The following COL11A1 variants were observed in gnomAD, a reference collection of about 807,000 sequenced individuals.
The protein encoded by COL11A1 is collagen alpha-1(XI) chain.
A neutral mutation model predicts 265.2 loss-of-function variants in COL11A1; 74 were observed. That is an observed-to-expected ratio of 0.28 (90% CI 0.23 to 0.34). COL11A1 has a LOEUF of 0.34. Among genes scored for constraint, COL11A1 ranks in the 10% least tolerant of loss-of-function variants. COL11A1 has a pLI of 1.00. For synonymous variants in COL11A1, 816 were observed against 727.6 expected (o/e 1.12, Z -1.96); for missense variants, 2,165 against 2,263.6 (o/e 0.96, Z 0.88).
chr1:103,066,187 T>C (rs746717142), intron 4 of COL11A1, among the ~76,000 whole-genome samples: 2 of 152,022 alleles, frequency 1.3e-5, no homozygotes, highest in Non-Finnish European at 2.9e-5. Flanking sequence ...TAGAAAAATA[T>C]GGAGCTTCAG....
chr1:103,048,953 G>C (rs911328954), intron 4 of COL11A1, among the ~76,000 whole-genome samples: 1 of 152,126 alleles, frequency 6.6e-6, no homozygotes, highest in Non-Finnish European at 1.5e-5. Context: ...ATTGCACTGT[G>C]GTCTGAGAGA....
chr1:103,035,947 A>G (rs1460793510), intron 4 of COL11A1, among the ~76,000 whole-genome samples: 2 of 151,954 alleles, frequency 1.3e-5, no homozygotes, highest in Non-Finnish European at 2.9e-5. Flanking sequence ...TCAAATTCCA[A>G]CTGAACAATT....
chr1:102,961,643 T>G, intron 41 of COL11A1: 1 of 502,964 alleles, frequency 2.0e-6, no homozygotes, highest in Non-Finnish European at 3.6e-6. Flanking sequence ...TATCTCCTTT[T>G]ACCTCCTGAC....
At chr1:102,903,478 A>C (rs1446110523) in intron 54 of COL11A1, among the ~76,000 whole-genome samples, 3 of 152,198 alleles carry the variant, frequency 2.0e-5, no homozygotes, top group Non-Finnish European at 4.4e-5. Flanking sequence ...TTGTTTCCAC[A>C]GTGGGAAAGT....
intron 4 of COL11A1, among the ~76,000 whole-genome samples, chr1:103,055,065 G>A (rs1030505108): frequency 6.6e-6 from 1 of 152,058 alleles, no homozygotes. Context: ...AGGGAGACTG[G>A]ATATCTTGTC....
At position 103,084,889 on chromosome 1, in the gene COL11A1, A is replaced by G. The variant is rs186867477; in HGVS notation, c.107-1917T>C. Among the ~76,000 whole-genome samples, 8 of 152,354 alleles carry G rather than the reference A, an allele frequency of 5.3e-5. No homozygotes were observed. In the East Asian group the frequency reaches 1.4e-3, roughly 26 times the overall value. On this transcript the variant is annotated intron_variant, in intron 1 of 66. Transcript: ENST00000370096. Reference sequence around the variant, plus strand: ...GTTCCTACAGTCTATTTCTGATCACAAATACACCACCAAACTTCTAAATAA... The same window carrying G: ...GTTCCTACAGTCTATTTCTGATCACGAATACACCACCAAACTTCTAAATAA...
intron 64 of COL11A1, among the ~76,000 whole-genome samples, chr1:102,882,115 C>A (rs1448185267): frequency 6.6e-6 from 1 of 152,108 alleles, no homozygotes; most frequent in Non-Finnish European, 1.5e-5. Context: ...TGTCAGTCAG[C>A]TTCATCAAGC....
chr1:103,001,883 A>G, intron 24 of COL11A1, 42 bp downstream of exon 24: 12 of 1,595,256 alleles, frequency 7.5e-6, no homozygotes, highest in Non-Finnish European at 9.5e-6. Flanking sequence ...TGCTAAAACA[A>G]ACATGTTCAC....
At chr1:103,051,341 T>G in intron 4 of COL11A1, among the ~76,000 whole-genome samples, 1 of 152,186 alleles carries the variant, frequency 6.6e-6, no homozygotes. Context: ...CCTTGCAGTT[T>G]GATCTCAGAC....
At chr1:103,038,220 C>T (rs1175645685) in intron 4 of COL11A1, among the ~76,000 whole-genome samples, 1 of 152,012 alleles carries the variant, frequency 6.6e-6, no homozygotes, top group East Asian at 1.9e-4. Flanking sequence ...ACTAGCACTT[C>T]GGGAGGCTGA....
intron 4 of COL11A1, 31 bp from the exon 5 acceptor site, chr1:103,031,275 GAC>G (rs766069701): frequency 8.4e-5 from 133 of 1,591,914 alleles, no homozygotes; most frequent in Non-Finnish European, 1.1e-4. Flanking sequence ...AAAACAAACA[GAC>G]ACAGATTCAG....
chr1:103,086,706 G>T (rs1407629531), intron 1 of COL11A1, among the ~76,000 whole-genome samples: 1 of 151,850 alleles, frequency 6.6e-6, no homozygotes, highest in African/African-American at 2.4e-5. Flanking sequence ...GTGAGCCACC[G>T]CGCCCGGCAA....
chr1:102,879,684 G>A lies in COL11A1; in HGVS notation c.5273C>T (p.Ala1758Val), dbSNP rs202065765. The A allele has an allele frequency of 1.2e-4, 195 of 1,612,162 alleles. No individual in the cohort carries two copies. Among genetic ancestry groups the A allele is most frequent in the Non-Finnish European group, 1.5e-4 (182 of 1,178,804 alleles). Residue 1758 changes from alanine (A) to valine (V), a missense_variant and splice_region_variant, in exon 66 of 67, where the codon GCG (alanine) becomes GTG (valine). By Grantham distance (64) the Ala-to-Val change is moderately conservative (BLOSUM62 0). Coordinates refer to ENST00000370096, the MANE Select transcript of COL11A1 (RefSeq NM_001854.4). The stretch of plus-strand genomic sequence containing the variant: ...GAGACAAGCAGAACTTATACTCACC[G>A]CACAACCATCATACAGTGTTTTGAT... ...PFIKTLYDGCASRKGYEKTVI... is the reference protein window; with the variant it reads ...PFIKTLYDGCVSRKGYEKTVI...
intron 54 of COL11A1, among the ~76,000 whole-genome samples, chr1:102,906,607 A>G (rs1654013759): frequency 6.6e-6 from 1 of 152,122 alleles, no homozygotes; most frequent in East Asian, 1.9e-4. Context: ...TGAGGGTCTC[A>G]CTATGTTGTC....
In COL11A1 at chr1:102,883,276, C is replaced by T. The variant is rs1650488322; in HGVS notation, c.4894G>A (p.Gly1632Arg). The change falls in exon 64 of 67, where the codon GGA becomes AGA. Residue 1632 changes from glycine (G) to arginine (R), a missense_variant. Physicochemically the swap from Gly to Arg is moderately radical, Grantham distance 125. Coordinates refer to ENST00000370096, the MANE Select transcript of COL11A1 (RefSeq NM_001854.4). ...YWIDPNQGCSGDSFKVYCNFT... is the reference protein window; with the variant it reads ...YWIDPNQGCSRDSFKVYCNFT... Reference sequence around the variant, plus strand: ...TTACAGTAAACTTTGAAGGAATCTCCTGAGCAACCTTGGTTAGGATCAATC... The same window carrying T: ...TTACAGTAAACTTTGAAGGAATCTCTTGAGCAACCTTGGTTAGGATCAATC... 6.2e-7 allele frequency: 1 copy of T among 1,613,400 alleles called. No homozygotes were observed. The highest frequency in any genetic ancestry group is 8.5e-7 in the Non-Finnish European group (1 of 1,179,698).
intron 4 of COL11A1, among the ~76,000 whole-genome samples, chr1:103,033,880 G>A (rs34243101): frequency 0.081 from 12,305 of 152,056 alleles, 555 homozygotes; most frequent in Middle Eastern, 0.16. Flanking sequence ...GCTATCTTCC[G>A]ACTTCAGCCT....
intron 2 of COL11A1, among the ~76,000 whole-genome samples, chr1:103,079,726 A>G (rs146232701): frequency 0.015 from 2,228 of 152,098 alleles, 45 homozygotes; most frequent in African/African-American, 0.051. Flanking sequence ...AGCAAGCATT[A>G]TTATTTGAGA....
At chr1:102,927,006 CTTG>C (rs1557830121) in intron 46 of COL11A1, among the ~76,000 whole-genome samples, 1 of 151,998 alleles carries the variant, frequency 6.6e-6, no homozygotes, top group East Asian at 1.9e-4. Context: ...AATAAAAAAT[CTTG>C]TTATCTGATA....
chr1:102,958,167 A>G (rs1339484233), intron 41 of COL11A1, among the ~76,000 whole-genome samples: 1 of 152,138 alleles, frequency 6.6e-6, no homozygotes, highest in African/African-American at 2.4e-5. Flanking sequence ...TTTTTAGAAG[A>G]TGTTCTTATG....
Sources: allele counts gnomAD v4.1 joint callset (sites outside exome capture counted in the v4.1 genomes callset), GRCh38; gene constraint gnomAD v4.1.1; transcripts MANE v1.5; gene names NCBI Gene and HGNC (gene_info 2026-07-23, HGNC 2026-07-21).